The following CNTN5 variants were observed in gnomAD, a reference collection of about 807,000 sequenced individuals.
The protein encoded by CNTN5 is contactin 5, also known as contactin-5.
CNTN5 carries 77 observed loss-of-function variants against 129.1 expected under a neutral mutation model. The ratio of observed to expected loss-of-function variants is 0.60; its 90% CI spans 0.50 to 0.72. CNTN5 has a LOEUF of 0.72. CNTN5 is among the 30% of genes least tolerant of loss of function. The pLI is 0.00. For synonymous variants in CNTN5, 509 were observed against 465.6 expected (o/e 1.09, Z -1.20); for missense variants, 1,478 against 1,328.8 (o/e 1.11, Z -1.75).
intron 2 of CNTN5, among the ~76,000 whole-genome samples, chr11:99,431,850 T>A (rs1328479519): frequency 6.6e-6 from 1 of 151,296 alleles, no homozygotes; most frequent in Non-Finnish European, 1.5e-5. Context: ...GGCTGGAGGG[T>A]CAAGAGGGAG....
chr11:100,329,832 T>A (rs149104697), intron 21 of CNTN5, among the ~76,000 whole-genome samples: 233 of 152,274 alleles, frequency 1.5e-3, no homozygotes, highest in African/African-American at 5.4e-3. Flanking sequence ...ATAGCAACGC[T>A]TTAATCCCAG....
At chr11:99,321,012 C>A (rs1865546885) in intron 1 of CNTN5, among the ~76,000 whole-genome samples, 1 of 152,156 alleles carries the variant, frequency 6.6e-6, no homozygotes, top group Admixed American at 6.5e-5. Context: ...AGCTTTTGAT[C>A]TGAGACATTG....
intron 9 of CNTN5, among the ~76,000 whole-genome samples, chr11:100,038,529 C>T (rs941494441): frequency 6.6e-6 from 1 of 152,252 alleles, no homozygotes; most frequent in Admixed American, 6.5e-5. Flanking sequence ...TCCTTGTTAA[C>T]TTTCTGTCTT....
chr11:99,262,291 A>G (rs946901471), intron 1 of CNTN5, among the ~76,000 whole-genome samples: 9 of 152,108 alleles, frequency 5.9e-5, no homozygotes, highest in African/African-American at 1.9e-4. Context: ...GAATAAAACA[A>G]TCTATTTGAC....
intron 13 of CNTN5, among the ~76,000 whole-genome samples, chr11:100,115,599 C>A (rs1672077144): frequency 6.6e-6 from 1 of 151,890 alleles, no homozygotes; most frequent in South Asian, 2.1e-4. Flanking sequence ...AAATAGGACA[C>A]CTCTGTCTTC....
chr11:99,633,747 G>A (rs1335159369), intron 3 of CNTN5, among the ~76,000 whole-genome samples: 2 of 152,132 alleles, frequency 1.3e-5, no homozygotes, highest in Admixed American at 6.6e-5. Context: ...GCAATATTAG[G>A]GTTTATGTTT....
At chr11:99,728,385 ACT>A in intron 3 of CNTN5, among the ~76,000 whole-genome samples, 1 of 152,300 alleles carries the variant, frequency 6.6e-6, no homozygotes, top group East Asian at 1.9e-4. Context: ...AACCAAATAT[ACT>A]ATATTCTGAG....
chr11:99,273,588 A>G (rs552249465), intron 1 of CNTN5, among the ~76,000 whole-genome samples: 48 of 151,870 alleles, frequency 3.2e-4, no homozygotes, highest in African/African-American at 1.1e-3. Flanking sequence ...TGCTGTAAAA[A>G]TATATTGTTC....
At chr11:100,098,696 T>C (rs1352391727) in intron 13 of CNTN5, among the ~76,000 whole-genome samples, 1 of 152,028 alleles carries the variant, frequency 6.6e-6, no homozygotes, top group Non-Finnish European at 1.5e-5. Context: ...CAGTAGCATT[T>C]TGGGCCAGCA....
At chr11:99,032,385 AG>A (rs1863439660) in intron 1 of CNTN5, among the ~76,000 whole-genome samples, 1 of 150,560 alleles carries the variant, frequency 6.6e-6, no homozygotes, top group Admixed American at 6.6e-5. Context: ...TCCCACCAAC[AG>A]TGTAAAAGTG....
intron 2 of CNTN5, among the ~76,000 whole-genome samples, chr11:99,351,012 G>A (rs1375497399): frequency 6.6e-6 from 1 of 151,966 alleles, no homozygotes; most frequent in African/African-American, 2.4e-5. Context: ...ACACACCAAG[G>A]CCTGTGGGGG....
At chr11:99,952,048 T>C (rs1297619247) in intron 7 of CNTN5, among the ~76,000 whole-genome samples, 2 of 152,168 alleles carry the variant, frequency 1.3e-5, no homozygotes, top group Admixed American at 6.5e-5. Flanking sequence ...GGAGAGTAAT[T>C]GACATGGCTA....
At chr11:99,874,923 C>T (rs1948594435) in intron 6 of CNTN5, among the ~76,000 whole-genome samples, 1 of 152,220 alleles carries the variant, frequency 6.6e-6, no homozygotes, top group Non-Finnish European at 1.5e-5. Context: ...TAGTCTGTGC[C>T]AGCTTCCTCT....
intron 2 of CNTN5, among the ~76,000 whole-genome samples, chr11:99,530,046 T>A (rs1249115723): frequency 6.6e-6 from 1 of 152,172 alleles, no homozygotes; most frequent in Non-Finnish European, 1.5e-5. Flanking sequence ...TATTTTGTAT[T>A]TTTGGTACTT....
intron 1 of CNTN5, among the ~76,000 whole-genome samples, chr11:99,215,116 C>T (rs1364065511): frequency 6.6e-6 from 1 of 152,042 alleles, no homozygotes; most frequent in Non-Finnish European, 1.5e-5. Context: ...TGATCATTGT[C>T]CCATCAATTA....
chr11:99,563,880 CA>C (rs1240163313), intron 3 of CNTN5, among the ~76,000 whole-genome samples: 1 of 152,066 alleles, frequency 6.6e-6, no homozygotes, highest in Non-Finnish European at 1.5e-5. Context: ...TTTCATTGGA[CA>C]AAGCAAATCC....
At chr11:99,784,459 C>G (rs965349062) in intron 3 of CNTN5, among the ~76,000 whole-genome samples, 3 of 151,592 alleles carry the variant, frequency 2.0e-5, no homozygotes, top group African/African-American at 7.3e-5. Context: ...TCATCCATGT[C>G]CCTGCAAAGG....
At chr11:99,300,008 A>G (rs1864560729) in intron 1 of CNTN5, among the ~76,000 whole-genome samples, 2 of 152,174 alleles carry the variant, frequency 1.3e-5, no homozygotes. Flanking sequence ...TTACATTTCT[A>G]CCAACAGTGT....
intron 8 of CNTN5, among the ~76,000 whole-genome samples, chr11:99,968,416 T>C (rs138582658): frequency 6.6e-6 from 1 of 152,202 alleles, no homozygotes; most frequent in East Asian, 1.9e-4. Context: ...AATGTATGTG[T>C]AGATAACATG....
Sources: gnomAD v4.1 joint callset for allele counts (sites outside exome capture counted in the v4.1 genomes callset) on GRCh38, gnomAD v4.1.1 for gene constraint, MANE v1.5 for transcripts, NCBI Gene and HGNC (gene_info 2026-07-23, HGNC 2026-07-21) for gene names.